SLC35E3: variants seen among roughly 807,000 people sequenced by gnomAD.
SLC35E3 encodes solute carrier family 35 member E3, also known as bladder cancer-overexpressed gene 1 protein.
In SLC35E3, 28 loss-of-function variants were observed where a neutral mutation model predicts 30.8. That is an observed-to-expected ratio of 0.91 (90% CI 0.67 to 1.25). The LOEUF (loss-of-function observed/expected upper bound fraction) is 1.25. Among genes scored for constraint, SLC35E3 ranks in the 50% most tolerant of loss-of-function variants. The pLI, the probability that SLC35E3 is intolerant of heterozygous loss-of-function variation, is 0.00. For synonymous variants in SLC35E3, 146 were observed against 149.2 expected, an observed-to-expected ratio of 0.98 and a Z score of 0.16; for missense variants, 365 against 375.4, an observed-to-expected ratio of 0.97 and a Z score of 0.23.
rs900357960 is a variant in SLC35E3, at chr12:68,768,338, G to A, written c.*3448G>A. 1 of 152,072 alleles carries A rather than the reference G, an allele frequency of 6.6e-6. No individual in the cohort carries two copies. The highest frequency in any genetic ancestry group is 1.5e-5 in the Non-Finnish European group (1 of 68,022). 9.4% of individuals were successfully genotyped at this position (152,072 alleles called of 1,614,324 possible). ...TTTTTAACCGTAAATAGAACTTGGG[G>A]AGGGTGTTATATAATATATGTGTCA... On this transcript the variant is annotated 3_prime_UTR_variant, in exon 5 of 5. Transcript: ENST00000398004.
rs1171770730 is a variant in SLC35E3, at chr12:68,773,721, T to C, written c.*8831T>C. Reference sequence around the variant, plus strand: ...CTGGAGTTTAAAAGCAAGATTAACCTTTTTGGACTGGAGTTCTTAGAGAAT... The same window carrying C: ...CTGGAGTTTAAAAGCAAGATTAACCCTTTTGGACTGGAGTTCTTAGAGAAT... On this transcript the variant is annotated 3_prime_UTR_variant, in exon 5 of 5. Coordinates refer to ENST00000398004, the MANE Select transcript of SLC35E3 (RefSeq NM_018656.5). 1 of 152,114 alleles carries C rather than the reference T, an allele frequency of 6.6e-6. No individual in the cohort carries two copies. Among genetic ancestry groups the C allele is most frequent in the Non-Finnish European group, 1.5e-5 (1 of 68,022 alleles). The allele number at this position is 152,114 out of a possible 1,614,324, so 9.4% of individuals were successfully genotyped here. A position where few individuals can be genotyped will look rare whatever the true frequency, so the allele number is the denominator to read the frequency against.
rs1405262325 is a variant in SLC35E3, at chr12:68,766,089, T to A, written c.*1199T>A. 1 of 152,070 alleles carries A rather than the reference T, an allele frequency of 6.6e-6. No homozygotes were observed. Among genetic ancestry groups the A allele is most frequent in the African/African-American group, 2.4e-5 (1 of 41,402 alleles). 9.4% of individuals were successfully genotyped at this position (152,070 alleles called of 1,614,324 possible). On this transcript the variant is annotated 3_prime_UTR_variant, in exon 5 of 5. Transcript: ENST00000398004. Reference sequence around the variant, plus strand: ...CAAAATCCAATTCTAAAAGTATGATTTTTTTCTAGTAGAAAATTGATGTAA... The same window carrying A: ...CAAAATCCAATTCTAAAAGTATGATATTTTTCTAGTAGAAAATTGATGTAA...
At position 68,780,636 on chromosome 12, in the gene SLC35E3, C is replaced by A. The variant is rs886979684; in HGVS notation, c.*15746C>A. On this transcript the variant is annotated 3_prime_UTR_variant, in exon 5 of 5. Transcript: ENST00000398004. ...CCAAGTAGCTGGGATTATAGGCATG[C>A]ACCACTATGCCCGGCTAATTTTGTA... 1 of 152,642 alleles carries A rather than the reference C, an allele frequency of 6.6e-6. No individual in the cohort carries two copies. The highest frequency in any genetic ancestry group is 2.4e-5 in the African/African-American group (1 of 41,414). The allele number at this position is 152,642 out of a possible 1,614,324, so 9.5% of individuals were successfully genotyped here. A position where few individuals can be genotyped will look rare whatever the true frequency, so the allele number is the denominator to read the frequency against.
chr12:68,756,437 C>T lies in SLC35E3; in HGVS notation c.673-2720C>T, dbSNP rs543436259. 4.3e-4 allele frequency among the ~76,000 whole-genome samples: 20 copies of T among 46,302 alleles called. No homozygotes were observed. In the South Asian group the frequency reaches 9.9e-3, roughly 23 times the overall value. 30.4% of individuals were successfully genotyped at this position (46,302 alleles called of 152,430 possible). A position where few individuals can be genotyped will look rare whatever the true frequency, so the allele number is the denominator to read the frequency against. On this transcript the variant is annotated intron_variant, in intron 3 of 4. Transcript: ENST00000398004. ...CTCAAAGTAGAGGATTGTGTCAACT[C>T]AACTTTTTTTTTTTTTTTCCATATG... is the stretch of plus-strand genomic sequence containing the variant.
intron 2 of SLC35E3, 40 bp downstream of exon 2, chr12:68,748,080 T>C (rs754494243): frequency 8.9e-7 from 1 of 1,127,466 alleles, no homozygotes; most frequent in South Asian, 1.3e-5. Context: ...TTTTAGCAGA[T>C]TTCATAAATT....
Position 68,756,478 on chromosome 12 carries a change from T to C in SLC35E3, c.673-2679T>C, listed in dbSNP as rs1396320655. On this transcript the variant is annotated intron_variant, in intron 3 of 4. Coordinates refer to ENST00000398004, the MANE Select transcript of SLC35E3 (RefSeq NM_018656.5). ...TTTCCATATGAAGCCAGCATTACCCTAATACCAAAACCAGGAAAGGACACA... is the reference window on the plus strand; with the variant it reads ...TTTCCATATGAAGCCAGCATTACCCCAATACCAAAACCAGGAAAGGACACA... Among the ~76,000 whole-genome samples the C allele has an allele frequency of 3.3e-5, 5 of 149,572 alleles. No individual in the cohort carries two copies. The East Asian group carries it at 9.7e-4, about 29-fold the overall frequency.
At chr12:68,761,695 T>TA (rs1323338909) in intron 4 of SLC35E3, among the ~76,000 whole-genome samples, 1 of 152,214 alleles carries the variant, frequency 6.6e-6, no homozygotes, top group Admixed American at 6.5e-5. Flanking sequence ...AGGAGACTGC[T>TA]ACGATATTCT....
intron 4 of SLC35E3, among the ~76,000 whole-genome samples, chr12:68,761,588 C>A (rs967410253): frequency 1.3e-5 from 2 of 152,060 alleles, no homozygotes; most frequent in Non-Finnish European, 2.9e-5. Context: ...ATACCCTTTG[C>A]CCAGTTGTGA....
intron 1 of SLC35E3, 82 bp downstream of exon 1, chr12:68,746,861 T>C (rs1017034023): frequency 1.4e-6 from 2 of 1,379,564 alleles, no homozygotes; most frequent in Non-Finnish European, 9.8e-7. Context: ...CGCACACTGG[T>C]CTTTCCCTTC....
chr12:68,755,973 C>T (rs552498181), intron 3 of SLC35E3, among the ~76,000 whole-genome samples: 8 of 152,212 alleles, frequency 5.3e-5, no homozygotes, highest in South Asian at 2.1e-4. Context: ...GTAACTGGCT[C>T]GCAATCCCAC....
At chr12:68,758,729 C>CTTTTTTTTTTTTTT (rs776771224) in intron 3 of SLC35E3, among the ~76,000 whole-genome samples, 1 of 48,376 alleles carries the variant, frequency 2.1e-5, no homozygotes, top group Non-Finnish European at 3.6e-5. Context: ...AATTCTCTTT[C>CTTTTTTTTTTTTTT]TTTTTTTTTT....
intron 2 of SLC35E3, among the ~76,000 whole-genome samples, chr12:68,749,749 G>A (rs1565711452): frequency 6.6e-6 from 1 of 152,336 alleles, no homozygotes; most frequent in South Asian, 2.1e-4. Context: ...TCCTTGCAGT[G>A]TGTGTGAAAG....
At position 68,765,636 on chromosome 12, in the gene SLC35E3, G is replaced by GTGTGTGTGTGTGTGTATATATATATATA. The variant is rs1565718900; in HGVS notation, c.*761_*762insATATATATATATATGTGTGTGTGTGTGT. The GTGTGTGTGTGTGTGTATATATATATATA allele has an allele frequency of 1.3e-5, 1 of 78,838 alleles. No homozygotes were observed. The highest frequency in any genetic ancestry group is 1.2e-4 in the Admixed American group (1 of 8,112). The allele number at this position is 78,838 out of a possible 1,614,324, so 4.9% of individuals were successfully genotyped here. On this transcript the variant is annotated 3_prime_UTR_variant, in exon 5 of 5. Transcript: ENST00000398004. ...TGTGTGTGTGTATATATATATATAT[G>GTGTGTGTGTGTGTGTATATATATATATA]TGTGTGTGTGTGTGTGTATACATAT... is the stretch of plus-strand genomic sequence containing the variant.
intron 4 of SLC35E3, among the ~76,000 whole-genome samples, chr12:68,761,472 G>T (rs1445359323): frequency 2.6e-5 from 4 of 152,166 alleles, no homozygotes; most frequent in African/African-American, 9.7e-5. Flanking sequence ...TCAACCTCTG[G>T]GCTGTTGACT....
chr12:68,757,514 C>G (rs1193846414), intron 3 of SLC35E3, among the ~76,000 whole-genome samples: 1 of 152,106 alleles, frequency 6.6e-6, no homozygotes, highest in Non-Finnish European at 1.5e-5. Context: ...ACCCATTTGT[C>G]CCCCTGTGCC....
At position 68,759,185 on chromosome 12, in the gene SLC35E3, C is replaced by T. The variant is rs1416607857; in HGVS notation, c.701C>T (p.Ala234Val). The T allele has an allele frequency of 6.2e-7, 1 of 1,613,584 alleles. No homozygotes were observed. The highest frequency in any genetic ancestry group is 1.1e-5 in the South Asian group (1 of 91,044). ...LLMVLLSGVI[A>V]FMVNLSIYWI... ...ATGGTGCTGCTATCTGGAGTAATAG[C>T]TTTCATGGTGAACTTATCAATTTAT... Residue 234 changes from alanine to valine, a missense_variant, in exon 4 of 5, where the codon GCT becomes GTT. Coordinates refer to ENST00000398004, the MANE Select transcript of SLC35E3 (RefSeq NM_018656.5).
At chr12:68,751,474 A>T (rs1215241170) in intron 2 of SLC35E3, among the ~76,000 whole-genome samples, 1 of 151,922 alleles carries the variant, frequency 6.6e-6, no homozygotes, top group Non-Finnish European at 1.5e-5. Context: ...TTGTATTTTT[A>T]GTAGAGATAG....
At chr12:68,758,455 C>T (rs1333449468) in intron 3 of SLC35E3, among the ~76,000 whole-genome samples, 4 of 151,728 alleles carry the variant, frequency 2.6e-5, no homozygotes, top group South Asian at 2.1e-4. Flanking sequence ...GGAGGTATGC[C>T]GAGATGTTAA....
intron 2 of SLC35E3, among the ~76,000 whole-genome samples, chr12:68,750,546 T>G (rs1878750573): frequency 6.6e-6 from 1 of 152,228 alleles, no homozygotes; most frequent in Non-Finnish European, 1.5e-5. Context: ...GAGATCATAG[T>G]GCCCTTAGGA....
Sources: allele counts gnomAD v4.1 joint callset (sites outside exome capture counted in the v4.1 genomes callset), GRCh38; gene constraint gnomAD v4.1.1; transcripts MANE v1.5; gene names NCBI Gene and HGNC (gene_info 2026-07-23, HGNC 2026-07-21).